Variants in CLVS1 observed in about 807,000 individuals in gnomAD.
CLVS1 encodes the protein clavesin 1, also known as clavesin-1.
In CLVS1, 10 loss-of-function variants were observed where a neutral mutation model predicts 33.1. That is an observed-to-expected ratio of 0.30 (90% CI 0.19 to 0.51). The LOEUF (loss-of-function observed/expected upper bound fraction) is 0.51, where lower values mean the gene tolerates loss of function less well. Ranked by LOEUF, CLVS1 falls within the 20% of genes least tolerant of loss-of-function variation. CLVS1 has a pLI of 0.97. For synonymous variants in CLVS1, 163 were observed against 166.1 expected (o/e 0.98, Z 0.14); for missense variants, 343 against 433.4 (o/e 0.79, Z 1.85).
chr8:61,049,094 G>A, the CLVS1 span, among the ~76,000 whole-genome samples: 1 of 152,164 alleles, frequency 6.6e-6, no homozygotes, highest in Non-Finnish European at 1.5e-5. Context: ...TAAGCATAAT[G>A]CATACACTGA....
At chr8:61,013,521 G>A in the CLVS1 span, among the ~76,000 whole-genome samples, 2 of 152,336 alleles carry the variant, frequency 1.3e-5, no homozygotes, top group African/African-American at 2.4e-5. Flanking sequence ...ATTTTCAAAA[G>A]GGGAAGGGAC....
chr8:61,149,319 AGGTG>A (rs1806477683), intron 2 of CLVS1, among the ~76,000 whole-genome samples: 1 of 152,104 alleles, frequency 6.6e-6, no homozygotes, highest in Admixed American at 6.6e-5. Flanking sequence ...TGGGAGGCTG[AGGTG>A]GGTGGATCAC....
chr8:61,075,333 C>G (rs951408614), intron 1 of CLVS1, among the ~76,000 whole-genome samples: 1 of 152,122 alleles, frequency 6.6e-6, no homozygotes, highest in African/African-American at 2.4e-5. Flanking sequence ...ACCAAAAGTT[C>G]AAAAGGATTA....
rs1034959874 is a variant in CLVS1, at chr8:61,152,419, G to T, written c.-152+20559G>T. On this transcript the variant is annotated intron_variant, in intron 2 of 2. Transcript: ENST00000522621. ...CTGCATGGGGAATTCATAAATAATAGAAATTTATTTCTCATAGTTCTGGAG... is the reference window on the plus strand; with the variant it reads ...CTGCATGGGGAATTCATAAATAATATAAATTTATTTCTCATAGTTCTGGAG... 4.6e-5 allele frequency among the ~76,000 whole-genome samples: 7 copies of T among 152,248 alleles called. No homozygotes were observed. In the East Asian group the frequency reaches 5.8e-4, roughly 13 times the overall value.
chr8:61,218,828 C>T (rs1408163431), intron 2 of CLVS1, among the ~76,000 whole-genome samples: 1 of 151,288 alleles, frequency 6.6e-6, no homozygotes, highest in Admixed American at 6.6e-5. Flanking sequence ...CTTCTAATCC[C>T]AGCCACTAGG....
At chr8:61,295,896 C>G (rs1275070823) in intron 1 of CLVS1, among the ~76,000 whole-genome samples, 1 of 152,188 alleles carries the variant, frequency 6.6e-6, no homozygotes. Flanking sequence ...ATGCCTAGAA[C>G]ATAATAAATA....
chr8:61,163,530 G>A (rs370394208), intron 2 of CLVS1, among the ~76,000 whole-genome samples: 1 of 152,326 alleles, frequency 6.6e-6, no homozygotes, highest in African/African-American at 2.4e-5. Context: ...TGTTACGGGT[G>A]AGTCTTTGTT....
At chr8:61,499,138 G>A (rs1276520909) in intron 5 of CLVS1, among the ~76,000 whole-genome samples, 1 of 152,118 alleles carries the variant, frequency 6.6e-6, no homozygotes, top group Non-Finnish European at 1.5e-5. Context: ...ACAGAGATAC[G>A]AAAGGGAATA....
At chr8:61,447,678 T>C (rs1322566567) in intron 3 of CLVS1, among the ~76,000 whole-genome samples, 1 of 152,056 alleles carries the variant, frequency 6.6e-6, no homozygotes, top group Non-Finnish European at 1.5e-5. Context: ...TAATTTATAA[T>C]ATAATTGTCT....
chr8:61,267,834 A>C (rs1411808868), intron 2 of CLVS1, among the ~76,000 whole-genome samples: 2 of 152,178 alleles, frequency 1.3e-5, no homozygotes, highest in Non-Finnish European at 2.9e-5. Context: ...ATTTATTGTA[A>C]CTATATTGTC....
intron 2 of CLVS1, among the ~76,000 whole-genome samples, chr8:61,366,578 T>G (rs1813220917): frequency 6.6e-6 from 1 of 152,184 alleles, no homozygotes; most frequent in Admixed American, 6.5e-5. Context: ...GTAAGGAAAT[T>G]CAACCACTAG....
intron 1 of CLVS1, among the ~76,000 whole-genome samples, chr8:61,125,923 T>C (rs1563412580): frequency 6.6e-6 from 1 of 151,920 alleles, no homozygotes; most frequent in Non-Finnish European, 1.5e-5. Context: ...GAAAACAGCC[T>C]CGTTGGTTTG....
At chr8:61,457,104 A>AT (rs1233801427) in intron 4 of CLVS1, among the ~76,000 whole-genome samples, 8 of 151,426 alleles carry the variant, frequency 5.3e-5, no homozygotes, top group African/African-American at 1.9e-4. Flanking sequence ...TGCCCAGCTA[A>AT]TTTTGTATTT....
At chr8:61,022,986 G>C in the CLVS1 span, among the ~76,000 whole-genome samples, 1 of 152,224 alleles carries the variant, frequency 6.6e-6, no homozygotes, top group Non-Finnish European at 1.5e-5. Flanking sequence ...GCTGCTTGCA[G>C]AAAATTTTTC....
the CLVS1 span, among the ~76,000 whole-genome samples, chr8:61,039,219 C>T: frequency 5.9e-5 from 9 of 152,314 alleles, no homozygotes; most frequent in African/African-American, 2.2e-4. Flanking sequence ...TTTCACAAAA[C>T]AACATTTATT....
chr8:61,004,275 A>T, the CLVS1 span, among the ~76,000 whole-genome samples: 1 of 152,240 alleles, frequency 6.6e-6, no homozygotes, highest in Non-Finnish European at 1.5e-5. Context: ...CTGGGAGCTC[A>T]TTCTGTTCTT....
intron 5 of CLVS1, chr8:61,464,728 C>T (rs2129607437): frequency 6.6e-6 from 1 of 151,894 alleles, no homozygotes; most frequent in Non-Finnish European, 1.5e-5. Flanking sequence ...TTCATTTTCC[C>T]CACCATGGCC....
chr8:61,344,205 G>A (rs998855668), intron 2 of CLVS1, among the ~76,000 whole-genome samples: 92 of 152,200 alleles, frequency 6.0e-4, no homozygotes, highest in African/African-American at 2.2e-3. Context: ...AAAAAAGAAA[G>A]TTTGACCAAA....
In CLVS1 at chr8:61,356,030, A is replaced by G. The variant is rs575268444; in HGVS notation, c.456-20575A>G. Among the ~76,000 whole-genome samples the G allele has an allele frequency of 3.9e-5, 6 of 152,318 alleles. No individual in the cohort carries two copies. In the South Asian group the frequency reaches 1.2e-3, roughly 32 times the overall value. On this transcript the variant is annotated intron_variant, in intron 2 of 5. Coordinates refer to ENST00000325897, the MANE Select transcript of CLVS1 (RefSeq NM_173519.3). ...ATTGAACTAGTTTACAGTCCCACCAACAGTGTAAAAGTGTTCCTATTTCTC... is the reference window on the plus strand; with the variant it reads ...ATTGAACTAGTTTACAGTCCCACCAGCAGTGTAAAAGTGTTCCTATTTCTC...
Sources: gnomAD v4.1 joint callset for allele counts (sites outside exome capture counted in the v4.1 genomes callset) on GRCh38, gnomAD v4.1.1 for gene constraint, MANE v1.5 for transcripts, NCBI Gene and HGNC (gene_info 2026-07-23, HGNC 2026-07-21) for gene names.